The following CFHR3 variants were observed in gnomAD, a reference collection of about 807,000 sequenced individuals.
CFHR3 encodes complement factor H related 3.
Under a neutral mutation model 36.0 loss-of-function variants are expected in CFHR3, and 22 were observed. The ratio of observed to expected loss-of-function variants is 0.61; its 90% CI spans 0.44 to 0.87. CFHR3 has a LOEUF of 0.87. CFHR3 is among the 40% of genes least tolerant of loss of function. The pLI is 0.00. For missense variants in CFHR3, 276 were observed against 401.3 expected, an observed-to-expected ratio of 0.69 and a Z score of 2.67; for synonymous variants, 97 against 137.4, an observed-to-expected ratio of 0.71 and a Z score of 2.06.
rs1222335305 is a variant in CFHR3 at position 196,786,102 on chromosome 1, G to C, written c.431-2114G>C. 1.5e-5 allele frequency among the ~76,000 whole-genome samples: 2 copies of C among 136,786 alleles called. 1 individual carries two copies. The highest frequency in any genetic ancestry group is 6.1e-5 in the African/African-American group (2 of 32,588). The allele number at this position is 136,786 out of a possible 152,430, so 89.7% of individuals were successfully genotyped here. ...TGTTTGCCTGGGTATCTGCAGCAGT[G>C]GCTGCAGAACAGCGGATTTTCATGA... On this transcript the variant is annotated intron_variant, in intron 3 of 5. Coordinates refer to ENST00000367425, the MANE Select transcript of CFHR3 (RefSeq NM_021023.6).
rs2124859816 is a variant in CFHR3, at chr1:196,788,310, T to C, written c.525T>C (p.Cys175=). The C allele has an allele frequency of 6.6e-7, 1 of 1,522,298 alleles. No homozygotes were observed. Among genetic ancestry groups the C allele is most frequent in the Non-Finnish European group, 8.9e-7 (1 of 1,128,840 alleles). 94.3% of individuals were successfully genotyped at this position (1,522,298 alleles called of 1,614,324 possible). A position where few individuals can be genotyped will look rare whatever the true frequency, so the allele number is the denominator to read the frequency against. Residue 175 remains cysteine, a synonymous_variant, in exon 4 of 6, where the codon TGT becomes TGC. Transcript: ENST00000367425. ...YILNKEIQYK[C]KPGYATADGN... Reference sequence around the variant, plus strand: ...TAAATAAAGAAATACAATATAAATGTAAACCAGGATATGCAACAGCAGATG... The same window carrying C: ...TAAATAAAGAAATACAATATAAATGCAAACCAGGATATGCAACAGCAGATG...
chr1:196,791,941 T>C (rs1654442874), intron 5 of CFHR3, among the ~76,000 whole-genome samples: 1 of 135,096 alleles, frequency 7.4e-6, no homozygotes, highest in African/African-American at 3.1e-5. Context: ...AGTTCTATGA[T>C]ACAAGCAAGA....
At chr1:196,779,570 T>C (rs952511130) in intron 2 of CFHR3, among the ~76,000 whole-genome samples, 1 of 136,974 alleles carries the variant, frequency 7.3e-6, no homozygotes, top group Admixed American at 7.1e-5. Flanking sequence ...AATATCTATA[T>C]AGTTTATACA....
chr1:196,780,070 T>A, intron 3 of CFHR3, 97 bp downstream of exon 3: 1 of 1,438,338 alleles, frequency 7.0e-7, no homozygotes, highest in Non-Finnish European at 9.4e-7. Flanking sequence ...GGCAAAATGT[T>A]TTTGTCAACT....
At chr1:196,788,990 G>T in intron 4 of CFHR3, 1 of 1,305,956 alleles carries the variant, frequency 7.7e-7, no homozygotes, top group African/African-American at 1.9e-5. Flanking sequence ...CTTGCCAATG[G>T]ATTCTTTACA....
chr1:196,792,313 C>T (rs1237688166), intron 5 of CFHR3, among the ~76,000 whole-genome samples: 1 of 111,162 alleles, frequency 9.0e-6, no homozygotes, highest in Admixed American at 8.8e-5. Flanking sequence ...CTAATAAGGG[C>T]TAAACTAGAA....
chr1:196,782,478 T>C (rs1195978789), intron 3 of CFHR3, among the ~76,000 whole-genome samples: 2 of 136,906 alleles, frequency 1.5e-5, no homozygotes, highest in African/African-American at 6.1e-5. Flanking sequence ...TTTTATTTCC[T>C]TGAGCAGTGG....
At position 196,792,131 on chromosome 1, in the gene CFHR3, G is replaced by A. The variant is rs569534368; in HGVS notation, c.797-1186G>A. Among the ~76,000 whole-genome samples the A allele has an allele frequency of 1.0e-3, 129 of 126,752 alleles. 18 individuals carry two copies. The highest frequency in any genetic ancestry group is 1.6e-3 in the South Asian group (6 of 3,678). 83.2% of individuals were successfully genotyped at this position (126,752 alleles called of 152,430 possible). A position where few individuals can be genotyped will look rare whatever the true frequency, so the allele number is the denominator to read the frequency against. ...AAATATGTTTGGAGAAGTATTTAGA[G>A]TTCAAACAATATTTATTTTTGAATT... On this transcript the variant is annotated intron_variant, in intron 5 of 5. Transcript: ENST00000367425.
rs1242116661 is a variant in CFHR3 at position 196,791,131 on chromosome 1, C to G, written c.796+904C>G. ...TTTTATCAGTATTCCTAGCAAGCAACAAAGAAATTAACGAAACTTCAGCCA... is the reference window on the plus strand; with the variant it reads ...TTTTATCAGTATTCCTAGCAAGCAAGAAAGAAATTAACGAAACTTCAGCCA... On this transcript the variant is annotated intron_variant, in intron 5 of 5. Transcript: ENST00000367425. 1.5e-5 allele frequency among the ~76,000 whole-genome samples: 2 copies of G among 136,358 alleles called. 1 individual carries two copies. The highest frequency in any genetic ancestry group is 6.2e-5 in the African/African-American group (2 of 32,502). The allele number at this position is 136,358 out of a possible 152,430, so 89.5% of individuals were successfully genotyped here. A position where few individuals can be genotyped will look rare whatever the true frequency, so the allele number is the denominator to read the frequency against.
In CFHR3 at chr1:196,779,817, T is replaced by C. The variant is rs1381885889; in HGVS notation, c.274T>C (p.Leu92=). 1 of 1,527,902 alleles carries C rather than the reference T, an allele frequency of 6.5e-7. No homozygotes were observed. The highest frequency in any genetic ancestry group is 8.8e-7 in the Non-Finnish European group (1 of 1,129,956). 94.6% of individuals were successfully genotyped at this position (1,527,902 alleles called of 1,614,324 possible). Residue 92 remains leucine, a synonymous_variant, in exon 3 of 6, where the codon TTG becomes CTG. Transcript: ENST00000367425. ...PCLRKCYFPY[L]ENGYNQNYGR... is the part of the protein sequence containing the mutation. ...CTTAGGAAAATGTTATTTTCCTTATTTGGAAAATGGATATAATCAAAATTA... is the reference window on the plus strand; with the variant it reads ...CTTAGGAAAATGTTATTTTCCTTATCTGGAAAATGGATATAATCAAAATTA...
Position 196,793,098 on chromosome 1 carries a change from A to G in CFHR3, c.797-219A>G, listed in dbSNP as rs777319382. On this transcript the variant is annotated intron_variant, in intron 5 of 5. Coordinates refer to ENST00000367425, the MANE Select transcript of CFHR3 (RefSeq NM_021023.6). Reference sequence around the variant, plus strand: ...AGAAAGACTGCCAGGGTTCACGTTTATCACCTCACCTGATGATCTCTGCTG... The same window carrying G: ...AGAAAGACTGCCAGGGTTCACGTTTGTCACCTCACCTGATGATCTCTGCTG... Among the ~76,000 whole-genome samples the G allele has an allele frequency of 1.5e-4, 20 of 135,276 alleles. 4 individuals carry two copies. The highest frequency in any genetic ancestry group is 3.1e-4 in the Non-Finnish European group (20 of 64,264). The allele number at this position is 135,276 out of a possible 152,430, so 88.7% of individuals were successfully genotyped here. A position where few individuals can be genotyped will look rare whatever the true frequency, so the allele number is the denominator to read the frequency against.
rs189843457 is a variant in CFHR3 at position 196,787,490 on chromosome 1, T to A, written c.431-726T>A. Among the ~76,000 whole-genome samples the A allele has an allele frequency of 1.7e-4, 23 of 137,484 alleles. 1 individual carries two copies. The East Asian group carries it at 4.5e-3, about 27-fold the overall frequency. 90.2% of individuals were successfully genotyped at this position (137,484 alleles called of 152,430 possible). On this transcript the variant is annotated intron_variant, in intron 3 of 5. Transcript: ENST00000367425. ...GGTCCATTTACATTTGTTTTTGAAT[T>A]ACTAATTAGAAAAGAACATATACAT... is the stretch of plus-strand genomic sequence containing the variant.
At chr1:196,788,480 A>T in intron 4 of CFHR3, 82 bp downstream of exon 4, 2 of 1,490,420 alleles carry the variant, frequency 1.3e-6, no homozygotes, top group Non-Finnish European at 1.8e-6. Flanking sequence ...TTAAAAATAT[A>T]GAAAACAATT....
rs1653879326 is a variant in CFHR3, at chr1:196,779,924, T to C, written c.381T>C (p.Val127=). The stretch of plus-strand genomic sequence containing the variant: ...GTCTTCCAAAAGCGCAGACCACAGT[T>C]ACATGTACGGAGAAAGGCTGGTCTC... ...GYGLPKAQTT[V]TCTEKGWSPT... The change falls in exon 3 of 6, where the codon GTT becomes GTC. Residue 127 remains valine, a synonymous_variant. Coordinates refer to ENST00000367425, the MANE Select transcript of CFHR3 (RefSeq NM_021023.6). 3 of 1,533,354 alleles carry C rather than the reference T, an allele frequency of 2.0e-6. No individual in the cohort carries two copies. The highest frequency in any genetic ancestry group is 2.2e-5 in the East Asian group (1 of 44,668). The allele number at this position is 1,533,354 out of a possible 1,614,324, so 95.0% of individuals were successfully genotyped here. A position where few individuals can be genotyped will look rare whatever the true frequency, so the allele number is the denominator to read the frequency against.
intron 1 of CFHR3, among the ~76,000 whole-genome samples, chr1:196,777,391 C>G (rs1653764246): frequency 7.3e-6 from 1 of 136,612 alleles, no homozygotes; most frequent in Admixed American, 7.1e-5. Context: ...CTCTAAATTC[C>G]TTTTAAACTG....
At chr1:196,786,987 T>G (rs1241605216) in intron 3 of CFHR3, among the ~76,000 whole-genome samples, 1 of 137,996 alleles carries the variant, frequency 7.2e-6, no homozygotes, top group Non-Finnish European at 1.5e-5. Context: ...AGTGCTCTGT[T>G]GCTTTAAATT....
At chr1:196,777,488 C>A (rs1288683578) in intron 1 of CFHR3, among the ~76,000 whole-genome samples, 1 of 136,226 alleles carries the variant, frequency 7.3e-6, no homozygotes, top group African/African-American at 3.1e-5. Flanking sequence ...AACTAAGAAG[C>A]TGGCTTCTGT....
At chr1:196,777,522 C>G (rs1653771394) in intron 1 of CFHR3, among the ~76,000 whole-genome samples, 1 of 136,568 alleles carries the variant, frequency 7.3e-6, no homozygotes, top group Non-Finnish European at 1.6e-5. Flanking sequence ...GTCCCCATTA[C>G]ACTTTGGCAT....
chr1:196,779,734 T>A, intron 2 of CFHR3, 63 bp from the exon 3 acceptor site: 1 of 1,430,130 alleles, frequency 7.0e-7, no homozygotes, highest in Non-Finnish European at 9.3e-7. Context: ...AATTTTAATA[T>A]ACTTTTTGTG....
Sources: gnomAD v4.1 joint callset for allele counts (sites outside exome capture counted in the v4.1 genomes callset) on GRCh38, gnomAD v4.1.1 for gene constraint, MANE v1.5 for transcripts, NCBI Gene and HGNC (gene_info 2026-07-23, HGNC 2026-07-21) for gene names.